WDR75: variants seen among roughly 807,000 people sequenced by gnomAD.
The protein encoded by WDR75 is WD repeat domain 75, also known as WD repeat-containing protein 75.
A neutral mutation model predicts 106.1 loss-of-function variants in WDR75; 52 were observed. The ratio of observed to expected loss-of-function variants is 0.49; its 90% CI spans 0.39 to 0.62. The LOEUF (loss-of-function observed/expected upper bound fraction) is 0.62, where lower values mean the gene tolerates loss of function less well. Ranked by LOEUF, WDR75 falls within the 20% of genes least tolerant of loss-of-function variation. The probability of loss-of-function intolerance (pLI) is 0.00; values close to 1 mark genes in which losing one functional copy is unlikely to be tolerated. For missense variants in WDR75, 905 were observed against 970.3 expected (o/e 0.93, Z 0.89); for synonymous variants, 333 against 335.5 (o/e 0.99, Z 0.08).
chr2:189,445,847 A>G (rs1287642913), intron 1 of WDR75, among the ~76,000 whole-genome samples: 2 of 152,260 alleles, frequency 1.3e-5, no homozygotes, highest in Non-Finnish European at 2.9e-5. Context: ...AAAAGAAGTA[A>G]TTAGAAAACG....
In WDR75 at chr2:189,470,855, A is replaced by C; in HGVS notation, c.2026A>C (p.Lys676Gln). 6.3e-7 allele frequency: 1 copy of C among 1,599,470 alleles called. No individual in the cohort carries two copies. The change falls in exon 18 of 21, where the codon AAA (lysine) becomes CAA (glutamine). Residue 676 changes from lysine to glutamine, a missense_variant. By Grantham distance (53) the Lys-to-Gln change is moderately conservative (BLOSUM62 1). Coordinates refer to ENST00000314761, the MANE Select transcript of WDR75 (RefSeq NM_032168.3). ...ATTCAGTACAAAGTCTCCAGAAGAA[A>C]AACTCACACCAACAAGCAAACAGGT... ...LTFSTKSPEEKLTPTSKQLLA... is the reference protein window; with the variant it reads ...LTFSTKSPEEQLTPTSKQLLA...
chr2:189,451,422 A>G (rs1044664589), intron 3 of WDR75, among the ~76,000 whole-genome samples: 39 of 152,212 alleles, frequency 2.6e-4, no homozygotes, highest in Non-Finnish European at 8.8e-5. Flanking sequence ...TAGGTAAAGT[A>G]TGGAGAAACA....
Position 189,467,638 on chromosome 2 carries a change from G to A in WDR75, c.1618G>A (p.Gly540Arg). Residue 540 changes from glycine to arginine, a missense_variant, in exon 14 of 21, where the codon GGG (glycine) becomes AGG (arginine). Gly to Arg is a moderately radical substitution (Grantham distance 125). Coordinates refer to ENST00000314761, the MANE Select transcript of WDR75 (RefSeq NM_032168.3). ...ELKCTFCQRA[G>R]KIRHLCFGRL... ...TAAATGTACATTTTGCCAACGAGCT[G>A]GGAAAATAAGGTAGGTAAATCTTCG... is the stretch of plus-strand genomic sequence containing the variant. 2 of 1,594,334 alleles carry A rather than the reference G, an allele frequency of 1.3e-6. No homozygotes were observed. Among genetic ancestry groups the A allele is most frequent in the Non-Finnish European group, 1.7e-6 (2 of 1,170,620 alleles).
In WDR75 at chr2:189,463,836, A is replaced by G. The variant is rs1484415742; in HGVS notation, c.998-10A>G. ...CTTATTTCACCTGTTATTTGTCACC[A>G]CTTCTGCAGATAGGAGTATCTTCAC... On this transcript the variant is annotated splice_polypyrimidine_tract_variant and intron_variant, in intron 10 of 20. Coordinates refer to ENST00000314761, the MANE Select transcript of WDR75 (RefSeq NM_032168.3). 2.1e-5 allele frequency: 34 copies of G among 1,613,546 alleles called. No individual in the cohort carries two copies. The highest frequency in any genetic ancestry group is 2.7e-5 in the Non-Finnish European group (32 of 1,179,712).
At chr2:189,455,232 CTT>C (rs1558983633) in intron 4 of WDR75, 86 bp from the exon 5 acceptor site, 1 of 1,430,980 alleles carries the variant, frequency 7.0e-7, no homozygotes, top group African/African-American at 1.7e-5. Context: ...CAGAGCAAGA[CTT>C]TGCCTCAAAA....
chr2:189,474,399 G>A, intron 19 of WDR75, 67 bp downstream of exon 19: 1 of 1,520,290 alleles, frequency 6.6e-7, no homozygotes, highest in Non-Finnish European at 8.9e-7. Context: ...TTGGAGTTTT[G>A]ACACAGTCAA....
At chr2:189,453,852 G>A (rs1357352618) in intron 4 of WDR75, among the ~76,000 whole-genome samples, 2 of 152,234 alleles carry the variant, frequency 1.3e-5, no homozygotes, top group Admixed American at 1.3e-4. Flanking sequence ...CAGACTCTCT[G>A]ATAGAAAATT....
At chr2:189,459,290 A>G (rs746688189) in intron 7 of WDR75, 46 bp from the exon 8 acceptor site, 7 of 1,428,198 alleles carry the variant, frequency 4.9e-6, no homozygotes, top group Admixed American at 3.8e-5. Flanking sequence ...TTGTTTTCCT[A>G]ACTTAAACCT....
chr2:189,462,407 A>G, intron 8 of WDR75, 77 bp from the exon 9 acceptor site: 1 of 1,533,790 alleles, frequency 6.5e-7, no homozygotes, highest in Non-Finnish European at 8.9e-7. Context: ...TAGCAAAAAC[A>G]AAAGTGTTAA....
At chr2:189,444,634 T>C (rs905963053) in intron 1 of WDR75, among the ~76,000 whole-genome samples, 4 of 152,194 alleles carry the variant, frequency 2.6e-5, no homozygotes, top group Non-Finnish European at 4.4e-5. Context: ...GCTGTAACAA[T>C]TTTCCTAAGT....
intron 12 of WDR75, 71 bp from the exon 13 acceptor site, chr2:189,466,354 C>T: frequency 6.6e-7 from 1 of 1,514,348 alleles, no homozygotes. Flanking sequence ...AAATGTACAG[C>T]ATGTCAGAAA....
intron 3 of WDR75, among the ~76,000 whole-genome samples, chr2:189,451,529 C>T (rs995865059): frequency 7.2e-5 from 11 of 152,240 alleles, no homozygotes; most frequent in South Asian, 6.2e-4. Context: ...ACACAAAGTC[C>T]TTATAGCATT....
chr2:189,475,358 G>A lies in WDR75; in HGVS notation c.2434G>A (p.Glu812Lys), dbSNP rs146243526. The A allele has an allele frequency of 2.5e-6, 4 of 1,612,350 alleles. No individual in the cohort carries two copies. The highest frequency in any genetic ancestry group is 2.5e-6 in the Non-Finnish European group (3 of 1,179,398). The change falls in exon 21 of 21, where the codon GAA (glutamate) becomes AAA (lysine). Residue 812 changes from glutamate (E) to lysine (K), a missense_variant. Physicochemically the swap from Glu to Lys is moderately conservative, Grantham distance 56. Coordinates refer to ENST00000314761, the MANE Select transcript of WDR75 (RefSeq NM_032168.3). ...EDIIHQLSKS[E>K]EKELRKFRKI... Reference sequence around the variant, plus strand: ...CATTATACATCAGTTGTCAAAATCTGAAGAAAAAGAACTGAGAAAATTTAG... The same window carrying A: ...CATTATACATCAGTTGTCAAAATCTAAAGAAAAAGAACTGAGAAAATTTAG...
chr2:189,473,231 TAAGA>T (rs1221778497), intron 18 of WDR75, among the ~76,000 whole-genome samples: 1 of 151,608 alleles, frequency 6.6e-6, no homozygotes, highest in Non-Finnish European at 1.5e-5. Flanking sequence ...AAAAAAATTA[TAAGA>T]AAGAGAAAAA....
At chr2:189,458,459 A>G (rs1456459663) in intron 6 of WDR75, among the ~76,000 whole-genome samples, 1 of 132,800 alleles carries the variant, frequency 7.5e-6, no homozygotes, top group Admixed American at 7.5e-5. Flanking sequence ...TGACCAGGCC[A>G]AAAAAAAATC....
intron 1 of WDR75, among the ~76,000 whole-genome samples, chr2:189,447,259 C>G (rs536496016): frequency 6.6e-6 from 1 of 152,144 alleles, no homozygotes; most frequent in African/African-American, 2.4e-5. Flanking sequence ...GTGATAATAT[C>G]GTGAAAGTAG....
chr2:189,448,820 G>A (rs1024877185), intron 2 of WDR75: 5 of 493,284 alleles, frequency 1.0e-5, no homozygotes, highest in Admixed American at 2.3e-5. Context: ...CATGCATTGC[G>A]AATATCCAAA....
At chr2:189,455,678 T>C (rs1686719860) in intron 5 of WDR75, 1 of 324,472 alleles carries the variant, frequency 3.1e-6, no homozygotes, top group Non-Finnish European at 5.5e-6. Context: ...TCTTAGACTA[T>C]GTGTCTTTAG....
At position 189,472,798 on chromosome 2, in the gene WDR75, C is replaced by G. The variant is rs192193278; in HGVS notation, c.2050-1388C>G. Among the ~76,000 whole-genome samples the G allele has an allele frequency of 2.1e-3, 313 of 152,276 alleles. 2 individuals carry two copies. The highest frequency in any genetic ancestry group is 6.4e-3 in the African/African-American group (268 of 41,558). On this transcript the variant is annotated intron_variant, in intron 18 of 20. Transcript: ENST00000314761. ...CTTGAACAATGTAGAGATTGAAAAC[C>G]TATGTATAACTTTTGACTTCCCAAA...
Sources: allele counts gnomAD v4.1 joint callset (sites outside exome capture counted in the v4.1 genomes callset), GRCh38; gene constraint gnomAD v4.1.1; transcripts MANE v1.5; gene names NCBI Gene and HGNC (gene_info 2026-07-23, HGNC 2026-07-21).